Variants in WDR41 observed in about 807,000 individuals in gnomAD.
WDR41 encodes the protein WD repeat domain 41.
Under a neutral mutation model 69.3 loss-of-function variants are expected in WDR41, and 63 were observed. The ratio of observed to expected loss-of-function variants is 0.91; its 90% confidence interval spans 0.74 to 1.12. WDR41 has a LOEUF of 1.12. WDR41 is among the 50% of genes most tolerant of loss of function. The probability of loss-of-function intolerance (pLI) is 0.00; values close to 1 mark genes in which losing one functional copy is unlikely to be tolerated. For synonymous variants in WDR41, 185 were observed against 192.1 expected (o/e 0.96, Z 0.31); for missense variants, 543 against 534.5 (o/e 1.02, Z -0.16).
intron 1 of WDR41, among the ~76,000 whole-genome samples, chr5:77,601,888 C>T (rs1026448787): frequency 1.3e-5 from 2 of 152,172 alleles, no homozygotes; most frequent in African/African-American, 4.8e-5. Context: ...TTGTCACATG[C>T]ATAGAATGTG....
chr5:77,471,490 C>A (rs1262791005), intron 2 of WDR41, among the ~76,000 whole-genome samples: 1 of 151,890 alleles, frequency 6.6e-6, no homozygotes, highest in Non-Finnish European at 1.5e-5. Context: ...ATCCCGGAAC[C>A]GGTTTTTTGA....
chr5:77,570,189 G>A (rs1743710766), intron 1 of WDR41, among the ~76,000 whole-genome samples: 1 of 151,994 alleles, frequency 6.6e-6, no homozygotes, highest in Non-Finnish European at 1.5e-5. Flanking sequence ...TGCTAACAGT[G>A]TGACTTTCAC....
intron 8 of WDR41, among the ~76,000 whole-genome samples, chr5:77,445,208 C>T (rs1414403305): frequency 1.3e-5 from 2 of 152,094 alleles, no homozygotes; most frequent in African/African-American, 4.8e-5. Context: ...GACACATACA[C>T]CCTCCCAAGA....
chr5:77,460,286 A>T (rs1799996072), intron 4 of WDR41, among the ~76,000 whole-genome samples: 1 of 152,226 alleles, frequency 6.6e-6, no homozygotes, highest in Non-Finnish European at 1.5e-5. Flanking sequence ...ATTCTATGTC[A>T]TGCTTTAGAT....
intron 8 of WDR41, among the ~76,000 whole-genome samples, chr5:77,448,569 A>G (rs1799492134): frequency 6.6e-6 from 1 of 151,990 alleles, no homozygotes; most frequent in African/African-American, 2.4e-5. Context: ...CACGCAAAAT[A>G]CTGCTTAAAA....
At chr5:77,601,608 G>C (rs1025975835) in intron 1 of WDR41, among the ~76,000 whole-genome samples, 1 of 152,170 alleles carries the variant, frequency 6.6e-6, no homozygotes, top group African/African-American at 2.4e-5. Context: ...TGGCACTTAA[G>C]GTGTGGGAGG....
intron 1 of WDR41, among the ~76,000 whole-genome samples, chr5:77,576,060 C>T (rs911614976): frequency 6.6e-6 from 1 of 152,142 alleles, no homozygotes; most frequent in Non-Finnish European, 1.5e-5. Context: ...TAGTTCTCTC[C>T]TGGATAACCT....
chr5:77,436,370 C>T lies in WDR41; in HGVS notation c.1118G>A (p.Gly373Glu), dbSNP rs1276854019. The change falls in exon 12 of 13, where the codon GGA becomes GAA. Residue 373 changes from glycine to glutamate, a missense_variant. By Grantham distance (98) the Gly-to-Glu change is moderately conservative (BLOSUM62 -2). Transcript: ENST00000296679. ...PTGFFNMWGF[G>E]RVSKQASQPV... The stretch of plus-strand genomic sequence containing the variant: ...TTGGCTGGCTTGTTTGCTGACTCTT[C>T]CAAATCCCCACATGTTAAAAAAACC... 1 of 1,613,826 alleles carries T rather than the reference C, an allele frequency of 6.2e-7. No individual in the cohort carries two copies. Among genetic ancestry groups the T allele is most frequent in the East Asian group, 2.2e-5 (1 of 44,882 alleles).
intron 1 of WDR41, among the ~76,000 whole-genome samples, chr5:77,497,779 A>G (rs1454900596): frequency 6.6e-6 from 1 of 152,220 alleles, no homozygotes; most frequent in Non-Finnish European, 1.5e-5. Context: ...CAAGGACTCA[A>G]CAGATATTTG....
In WDR41 at chr5:77,436,407, T is replaced by C; in HGVS notation, c.1094-13A>G. 6.2e-7 allele frequency: 1 copy of C among 1,613,388 alleles called. No homozygotes were observed. The highest frequency in any genetic ancestry group is 1.3e-5 in the African/African-American group (1 of 75,008). ...ATGTTAAAAAAACCTAGAAAAAGAATCATTTCCAAAATTACTGTGCTCTGT... is the reference window on the plus strand; with the variant it reads ...ATGTTAAAAAAACCTAGAAAAAGAACCATTTCCAAAATTACTGTGCTCTGT... On this transcript the variant is annotated splice_polypyrimidine_tract_variant and intron_variant, in intron 11 of 12. Coordinates refer to ENST00000296679, the MANE Select transcript of WDR41 (RefSeq NM_018268.4).
At chr5:77,582,714 C>T (rs1369701279) in intron 1 of WDR41, 1 of 1,592,824 alleles carries the variant, frequency 6.3e-7, no homozygotes, top group Non-Finnish European at 8.5e-7. Flanking sequence ...AGCTTCTTCG[C>T]CTTCGTCAAA....
At chr5:77,537,544 G>A (rs1490286154) in intron 1 of WDR41, among the ~76,000 whole-genome samples, 2 of 152,140 alleles carry the variant, frequency 1.3e-5, no homozygotes, top group Non-Finnish European at 2.9e-5. Context: ...CTTCCTAGTT[G>A]TTCAGTACCT....
intron 7 of WDR41, 46 bp from the exon 8 acceptor site, chr5:77,449,916 G>T: frequency 8.0e-7 from 1 of 1,255,378 alleles, no homozygotes; most frequent in Non-Finnish European, 1.2e-6. Context: ...GCTCTAAGAG[G>T]ATAAAATACT....
intron 1 of WDR41, among the ~76,000 whole-genome samples, chr5:77,607,498 A>C (rs1191349799): frequency 2.0e-5 from 3 of 152,244 alleles, no homozygotes; most frequent in African/African-American, 7.2e-5. Context: ...TAAGAACATC[A>C]AATTGGATAG....
intron 8 of WDR41, among the ~76,000 whole-genome samples, chr5:77,447,533 T>C (rs553989466): frequency 1.3e-5 from 2 of 152,276 alleles, no homozygotes; most frequent in South Asian, 4.1e-4. Flanking sequence ...CCATCAACGA[T>C]AGATTGGATA....
intron 1 of WDR41, among the ~76,000 whole-genome samples, chr5:77,594,394 C>A (rs1561234082): frequency 3.3e-5 from 5 of 150,982 alleles, no homozygotes; most frequent in African/African-American, 1.2e-4. Flanking sequence ...TGCACATGTA[C>A]CCTAGAACTT....
intron 1 of WDR41, among the ~76,000 whole-genome samples, chr5:77,572,023 T>C (rs983643989): frequency 1.3e-5 from 2 of 152,118 alleles, no homozygotes; most frequent in African/African-American, 2.4e-5. Flanking sequence ...ACCACGTTTC[T>C]CTAGGCTTAG....
chr5:77,492,630 C>T (rs745676728), upstream of WDR41: 12 of 197,134 alleles, frequency 6.1e-5, no homozygotes, highest in Non-Finnish European at 9.2e-5. Context: ...GAATAATGCC[C>T]CTCCCTGTGA....
intron 1 of WDR41, among the ~76,000 whole-genome samples, chr5:77,563,270 A>G (rs1430683105): frequency 6.6e-6 from 1 of 152,146 alleles, no homozygotes; most frequent in Admixed American, 6.6e-5. Flanking sequence ...TCCCTCTCAC[A>G]TTCAGAAGTC....
Sources: gnomAD v4.1 joint callset for allele counts (sites outside exome capture counted in the v4.1 genomes callset) on GRCh38, gnomAD v4.1.1 for gene constraint, MANE v1.5 for transcripts, NCBI Gene and HGNC (gene_info 2026-07-23, HGNC 2026-07-21) for gene names.